The following STAU1 variants were observed in gnomAD, a reference collection of about 807,000 sequenced individuals.
STAU1 encodes staufen double-stranded RNA binding protein 1, also known as double-stranded RNA-binding protein Staufen homolog 1.
Under a neutral mutation model 62.9 loss-of-function variants are expected in STAU1, and 13 were observed. That is an observed-to-expected ratio of 0.21 (90% CI 0.13 to 0.33). STAU1 has a LOEUF of 0.33. Ranked by LOEUF, STAU1 falls within the 10% of genes least tolerant of loss-of-function variation. STAU1 has a pLI of 1.00. For synonymous variants in STAU1, 269 were observed against 265.1 expected, an observed-to-expected ratio of 1.01 and a Z score of -0.14; for missense variants, 571 against 712.1, an observed-to-expected ratio of 0.80 and a Z score of 2.25.
rs892292747 is a variant in STAU1 at position 49,118,243 on chromosome 20, A to G, written c.1189+90T>C. On this transcript the variant is annotated intron_variant, in intron 10 of 13. Transcript: ENST00000371856. Reference sequence around the variant, plus strand: ...ATGATAAAGACACTTTGCATGCGGGACCTCACTGGCTGGGCTCCTGCTGTT... The same window carrying G: ...ATGATAAAGACACTTTGCATGCGGGGCCTCACTGGCTGGGCTCCTGCTGTT... The G allele has an allele frequency of 8.6e-6, 12 of 1,392,500 alleles. No homozygotes were observed. The Admixed American group carries it at 2.0e-4, about 23-fold the overall frequency. 86.3% of individuals were successfully genotyped at this position (1,392,500 alleles called of 1,614,324 possible). A position where few individuals can be genotyped will look rare whatever the true frequency, so the allele number is the denominator to read the frequency against.
intron 3 of STAU1, among the ~76,000 whole-genome samples, chr20:49,165,032 AATTTT>A (rs1482951680): frequency 6.6e-6 from 1 of 151,934 alleles, no homozygotes; most frequent in Non-Finnish European, 1.5e-5. Context: ...CAGTTGTGGG[AATTTT>A]ATTTATTTAT....
intron 5 of STAU1, among the ~76,000 whole-genome samples, chr20:49,147,519 T>TTA (rs2093154024): frequency 6.6e-6 from 1 of 152,234 alleles, no homozygotes; most frequent in Admixed American, 6.5e-5. Context: ...GACGGGCTGC[T>TTA]TATGGCCTGT....
At chr20:49,153,901 T>C in intron 4 of STAU1, 32 bp downstream of exon 4, 1 of 1,516,432 alleles carries the variant, frequency 6.6e-7, no homozygotes, top group Non-Finnish European at 8.7e-7. Flanking sequence ...TTCTCCTGTA[T>C]TTTACAAAAA....
intron 3 of STAU1, among the ~76,000 whole-genome samples, chr20:49,160,337 G>A (rs1347114831): frequency 1.3e-5 from 2 of 152,190 alleles, no homozygotes; most frequent in Admixed American, 6.5e-5. Context: ...TGAGGTTTGC[G>A]TGTGAAGGAA....
chr20:49,195,903 A>AAAAAAAAAAAAAAAAAAAAAAAG, the STAU1 span, among the ~76,000 whole-genome samples: 2 of 94,382 alleles, frequency 2.1e-5, no homozygotes, highest in African/African-American at 3.0e-5. Context: ...CCTCTCAAAA[A>AAAAAAAAAAAAAAAAAAAAAAAG]AAAAAAAAAA....
intron 7 of STAU1, among the ~76,000 whole-genome samples, chr20:49,123,687 T>C (rs1411208586): frequency 3.9e-5 from 6 of 152,196 alleles, no homozygotes; most frequent in Admixed American, 3.3e-4. Flanking sequence ...TCCCAGTTAC[T>C]TCCTTGAGGC....
intron 6 of STAU1, 24 bp from the exon 7 acceptor site, chr20:49,124,611 T>C (rs747234871): frequency 1.2e-6 from 2 of 1,612,002 alleles, no homozygotes; most frequent in Admixed American, 1.7e-5. Context: ...AAAGACTGAG[T>C]GAAAGCGGAC....
intron 3 of STAU1, among the ~76,000 whole-genome samples, chr20:49,157,594 C>T (rs113833840): frequency 6.6e-6 from 1 of 152,130 alleles, no homozygotes; most frequent in Non-Finnish European, 1.5e-5. Context: ...ATTCTCCTGC[C>T]TCAGCCTCCT....
At chr20:49,211,845 G>A in the STAU1 span, among the ~76,000 whole-genome samples, 1 of 151,876 alleles carries the variant, frequency 6.6e-6, no homozygotes, top group Non-Finnish European at 1.5e-5. Flanking sequence ...TATGGCATGT[G>A]CCAGAGTACC....
chr20:49,212,506 T>G, the STAU1 span, among the ~76,000 whole-genome samples: 1 of 152,160 alleles, frequency 6.6e-6, no homozygotes, highest in African/African-American at 2.4e-5. Context: ...TAAAGGCTTA[T>G]TCATGTCCTT....
intron 3 of STAU1, among the ~76,000 whole-genome samples, chr20:49,164,009 A>C (rs1482328289): frequency 6.6e-6 from 1 of 152,142 alleles, no homozygotes; most frequent in African/African-American, 2.4e-5. Context: ...AGGCAAGCTG[A>C]TCACTTGAGA....
At chr20:49,198,969 CT>C in the STAU1 span, among the ~76,000 whole-genome samples, 1 of 150,554 alleles carries the variant, frequency 6.6e-6, no homozygotes, top group South Asian at 2.1e-4. Context: ...CCCCGTCCCC[CT>C]GCCCCCCCGC....
At chr20:49,156,636 T>C (rs1032808797) in intron 3 of STAU1, among the ~76,000 whole-genome samples, 14 of 152,170 alleles carry the variant, frequency 9.2e-5, no homozygotes, top group African/African-American at 2.2e-4. Context: ...CAGCTCCCCA[T>C]TGCTGATTTC....
chr20:49,133,964 G>C (rs2092811904), intron 6 of STAU1, among the ~76,000 whole-genome samples: 2 of 152,144 alleles, frequency 1.3e-5, no homozygotes, highest in South Asian at 4.1e-4. Flanking sequence ...GCACATAGGA[G>C]GAGAAGGTAT....
chr20:49,167,252 T>G (rs879886167), intron 2 of STAU1, among the ~76,000 whole-genome samples: 5 of 152,098 alleles, frequency 3.3e-5, no homozygotes, highest in Admixed American at 6.6e-5. Flanking sequence ...AGAACAGAAA[T>G]GACAGGTCTC....
At chr20:49,208,105 G>C in the STAU1 span, among the ~76,000 whole-genome samples, 1 of 152,096 alleles carries the variant, frequency 6.6e-6, no homozygotes, top group Admixed American at 6.6e-5. Flanking sequence ...CTGTCTCCAG[G>C]CTGGAGTGCA....
intron 2 of STAU1, among the ~76,000 whole-genome samples, chr20:49,171,244 T>C (rs980755116): frequency 1.3e-5 from 2 of 152,242 alleles, no homozygotes; most frequent in African/African-American, 4.8e-5. Flanking sequence ...TCCTTTTCAA[T>C]AGCCTTTAAA....
chr20:49,194,429 CAAA>C, the STAU1 span, among the ~76,000 whole-genome samples: 5 of 81,134 alleles, frequency 6.2e-5, no homozygotes, highest in Non-Finnish European at 9.2e-5. Context: ...AACTCCGTCT[CAAA>C]AAAAAAAAAA....
intron 6 of STAU1, among the ~76,000 whole-genome samples, chr20:49,133,513 CCT>C (rs1468574151): frequency 2.6e-5 from 4 of 152,160 alleles, no homozygotes; most frequent in Non-Finnish European, 4.4e-5. Context: ...CCGGGGGAGA[CCT>C]CATGACTCCT....
Sources: gnomAD v4.1 joint callset for allele counts (sites outside exome capture counted in the v4.1 genomes callset) on GRCh38, gnomAD v4.1.1 for gene constraint, MANE v1.5 for transcripts, NCBI Gene and HGNC (gene_info 2026-07-23, HGNC 2026-07-21) for gene names.